Variants in SLC8A1 observed in about 807,000 individuals in gnomAD.
The protein encoded by SLC8A1 is solute carrier family 8 member A1, also known as sodium/calcium exchanger 1.
SLC8A1 carries 18 observed loss-of-function variants against 68.3 expected under a neutral mutation model. The observed-to-expected ratio is 0.26, with a 90% CI of 0.18 to 0.39. SLC8A1 has a LOEUF of 0.39. Ranked by LOEUF, SLC8A1 falls within the 10% of genes least tolerant of loss-of-function variation. The pLI, the probability that SLC8A1 is intolerant of heterozygous loss-of-function variation, is 1.00. For synonymous variants in SLC8A1, 475 were observed against 415.5 expected (o/e 1.14, Z -1.74); for missense variants, 985 against 1,156.7 (o/e 0.85, Z 2.15).
At chr2:40,258,078 CA>C (rs2064184430) in intron 2 of SLC8A1, among the ~76,000 whole-genome samples, 1 of 152,144 alleles carries the variant, frequency 6.6e-6, no homozygotes, top group Non-Finnish European at 1.5e-5. Context: ...GAAAAGCTGT[CA>C]AACATTTTGT....
chr2:40,194,082 A>G (rs1291474275), intron 2 of SLC8A1, among the ~76,000 whole-genome samples: 1 of 152,136 alleles, frequency 6.6e-6, no homozygotes, highest in Admixed American at 6.6e-5. Context: ...GAATTCTGCT[A>G]GAGAAAACAT....
intron 2 of SLC8A1, among the ~76,000 whole-genome samples, chr2:40,319,187 A>C (rs191025757): frequency 6.6e-6 from 1 of 152,202 alleles, no homozygotes; most frequent in East Asian, 1.9e-4. Flanking sequence ...GTTTTATGAG[A>C]TGCGTGTGAT....
intron 1 of SLC8A1, among the ~76,000 whole-genome samples, chr2:40,492,828 T>C (rs1455405084): frequency 1.4e-5 from 2 of 147,872 alleles, no homozygotes; most frequent in African/African-American, 5.0e-5. Flanking sequence ...TGGCAATCAT[T>C]AAAAAGTCAG....
chr2:40,475,472 T>C lies in SLC8A1; in HGVS notation c.-25+36877A>G, dbSNP rs1200020650. Among the ~76,000 whole-genome samples, 3 of 152,250 alleles carry C rather than the reference T, an allele frequency of 2.0e-5. No homozygotes were observed. The East Asian group carries it at 5.8e-4, about 29-fold the overall frequency. On this transcript the variant is annotated intron_variant, in intron 1 of 7. Coordinates refer to the SLC8A1 transcript ENST00000402441. ...AGGACCCAAAAAACTTTTGCTTATA[T>C]AGATAATATCTGTAGGTATTTATTG...
chr2:40,495,354 T>C (rs1265206128), intron 1 of SLC8A1, among the ~76,000 whole-genome samples: 1 of 152,000 alleles, frequency 6.6e-6, no homozygotes, highest in East Asian at 1.9e-4. Flanking sequence ...AGCAAAAGTG[T>C]TTTATGAGGA....
chr2:40,389,706 G>C (rs1684682726), intron 2 of SLC8A1, among the ~76,000 whole-genome samples: 1 of 151,660 alleles, frequency 6.6e-6, no homozygotes, highest in African/African-American at 2.4e-5. Context: ...TGTCAGTTGT[G>C]GGTCTCATAC....
At chr2:40,323,088 G>A (rs1156759223) in intron 2 of SLC8A1, among the ~76,000 whole-genome samples, 1 of 152,128 alleles carries the variant, frequency 6.6e-6, no homozygotes, top group Non-Finnish European at 1.5e-5. Context: ...GAAGGTAGGA[G>A]CATTTACAGA....
At chr2:40,275,866 T>C (rs2066632027) in intron 2 of SLC8A1, among the ~76,000 whole-genome samples, 1 of 152,134 alleles carries the variant, frequency 6.6e-6, no homozygotes, top group Non-Finnish European at 1.5e-5. Context: ...TGGGGCATGG[T>C]GGTTTCCTAT....
intron 2 of SLC8A1, among the ~76,000 whole-genome samples, chr2:40,238,207 G>A (rs372747948): frequency 3.3e-5 from 5 of 151,822 alleles, no homozygotes; most frequent in Admixed American, 6.6e-5. Context: ...CCCCAGCCTC[G>A]CTGCCGCCTT....
intron 2 of SLC8A1, among the ~76,000 whole-genome samples, chr2:40,387,412 A>C (rs1233707289): frequency 6.6e-6 from 1 of 151,362 alleles, no homozygotes; most frequent in African/African-American, 2.5e-5. Flanking sequence ...TGAACTGGCT[A>C]AAGTTTCCAA....
chr2:40,149,761 T>A (rs2043079076), intron 6 of SLC8A1, among the ~76,000 whole-genome samples: 1 of 152,288 alleles, frequency 6.6e-6, no homozygotes, highest in Admixed American at 6.5e-5. Context: ...AAACAACTAT[T>A]CACCAATTGG....
chr2:40,101,135 G>A (rs777896804), exon 8 of SLC8A1: 6 of 152,094 alleles, frequency 3.9e-5, no homozygotes, highest in Non-Finnish European at 8.8e-5. Flanking sequence ...TACAAGCAGA[G>A]TTACTTTCTG....
At chr2:40,136,072 C>G (rs765055355) in intron 7 of SLC8A1, among the ~76,000 whole-genome samples, 6 of 152,126 alleles carry the variant, frequency 3.9e-5, no homozygotes, top group Non-Finnish European at 8.8e-5. Context: ...AGGAAGTAAG[C>G]ATGGACCAAG....
At chr2:40,144,578 T>TG (rs1245704188) in intron 6 of SLC8A1, among the ~76,000 whole-genome samples, 1 of 152,108 alleles carries the variant, frequency 6.6e-6, no homozygotes, top group Non-Finnish European at 1.5e-5. Flanking sequence ...CCTTTTTTTT[T>TG]TTAGGAATGT....
At chr2:40,383,081 A>G (rs1258453665) in intron 2 of SLC8A1, among the ~76,000 whole-genome samples, 3 of 152,104 alleles carry the variant, frequency 2.0e-5, no homozygotes, top group Non-Finnish European at 2.9e-5. Flanking sequence ...ATCTGGACCT[A>G]TTATCCCTGC....
At chr2:40,163,226 G>T (rs575482612) in intron 5 of SLC8A1, among the ~76,000 whole-genome samples, 14 of 152,160 alleles carry the variant, frequency 9.2e-5, no homozygotes, top group Non-Finnish European at 1.9e-4. Context: ...AGGCTTTGCT[G>T]CCTGGAAGAC....
At chr2:40,328,181 AAAG>A (rs2076045703) in intron 2 of SLC8A1, among the ~76,000 whole-genome samples, 1 of 152,174 alleles carries the variant, frequency 6.6e-6, no homozygotes, top group Non-Finnish European at 1.5e-5. Context: ...AGTAAAAAGA[AAAG>A]AAATTAACCA....
At chr2:40,416,969 A>G (rs1694062603) in intron 2 of SLC8A1, among the ~76,000 whole-genome samples, 1 of 152,140 alleles carries the variant, frequency 6.6e-6, no homozygotes, top group African/African-American at 2.4e-5. Flanking sequence ...ATAAAAAAGC[A>G]AAGGACCAAA....
At chr2:40,357,468 G>T (rs992064552) in intron 2 of SLC8A1, among the ~76,000 whole-genome samples, 1 of 146,600 alleles carries the variant, frequency 6.8e-6, no homozygotes, top group Non-Finnish European at 1.5e-5. Context: ...CTGCATGCCG[G>T]CCTGGGCAAC....
Sources: allele counts gnomAD v4.1 joint callset (sites outside exome capture counted in the v4.1 genomes callset), GRCh38; gene constraint gnomAD v4.1.1; transcripts MANE v1.5; gene names NCBI Gene and HGNC (gene_info 2026-07-23, HGNC 2026-07-21).